Variants in BRINP3 observed in about 807,000 individuals in gnomAD.
BRINP3 encodes the protein BMP/retinoic acid inducible neural specific 3, also known as BMP/retinoic acid-inducible neural-specific protein 3.
BRINP3 carries 19 observed loss-of-function variants against 71.0 expected under a neutral mutation model. The ratio of observed to expected loss-of-function variants is 0.27; its 90% CI spans 0.19 to 0.39. BRINP3 has a LOEUF of 0.39. BRINP3 is among the 10% of genes least tolerant of loss of function. The pLI is 1.00. For synonymous variants in BRINP3, 380 were observed against 337.7 expected (o/e 1.13, Z -1.37); for missense variants, 959 against 940.8 (o/e 1.02, Z -0.25).
chr1:190,342,786 A>G (rs1346904118), intron 2 of BRINP3: 1 of 151,834 alleles, frequency 6.6e-6, no homozygotes, highest in African/African-American at 2.4e-5. Flanking sequence ...TCTCAGTTAT[A>G]TAAACTACAT....
At chr1:190,458,519 C>G (rs1676161685) in intron 1 of BRINP3, among the ~76,000 whole-genome samples, 1 of 151,992 alleles carries the variant, frequency 6.6e-6, no homozygotes, top group African/African-American at 2.4e-5. Context: ...AAAAGTAGAT[C>G]ATTGTACATT....
At chr1:190,245,845 A>G (rs1659550829) in intron 4 of BRINP3, among the ~76,000 whole-genome samples, 1 of 147,640 alleles carries the variant, frequency 6.8e-6, no homozygotes, top group Non-Finnish European at 1.5e-5. Context: ...GAGTGAGAAC[A>G]TGCGGTGTTT....
intron 7 of BRINP3, among the ~76,000 whole-genome samples, chr1:190,128,910 A>T (rs892998837): frequency 1.3e-5 from 2 of 151,788 alleles, no homozygotes; most frequent in African/African-American, 4.8e-5. Context: ...AAAGATCTTT[A>T]TACCAATACC....
intron 1 of BRINP3, among the ~76,000 whole-genome samples, chr1:190,467,333 A>G (rs1390892716): frequency 6.6e-6 from 1 of 151,634 alleles, no homozygotes; most frequent in East Asian, 1.9e-4. Flanking sequence ...ACCAGTGCAC[A>G]TAATTCATCA....
intron 2 of BRINP3, among the ~76,000 whole-genome samples, chr1:190,285,558 C>G (rs1663357460): frequency 6.6e-6 from 1 of 151,840 alleles, no homozygotes; most frequent in African/African-American, 2.4e-5. Context: ...GAGATCATGC[C>G]ACTGCCCTCC....
At chr1:190,396,791 T>C (rs1362735593) in intron 2 of BRINP3, among the ~76,000 whole-genome samples, 3 of 147,906 alleles carry the variant, frequency 2.0e-5, no homozygotes, top group Non-Finnish European at 4.5e-5. Flanking sequence ...TTCTTAAATC[T>C]TCCCATCTGC....
chr1:190,098,451 T>C lies in BRINP3; in HGVS notation c.1868A>G (p.Glu623Gly). Reference protein sequence around the residue: ...TLGNKWKTFFETVHIYLRSRI... With the variant: ...TLGNKWKTFFGTVHIYLRSRI... ...ACTTCTCAGGTAGATGTGTACTGTC[T>C]CAAAAAATGTCTTCCATTTGTTCCC... The change falls in exon 8 of 8, where the codon GAG becomes GGG. Residue 623 changes from glutamate to glycine, a missense_variant. Coordinates refer to ENST00000367462, the MANE Select transcript of BRINP3 (RefSeq NM_199051.3). 6 of 1,614,128 alleles carry C rather than the reference T, an allele frequency of 3.7e-6. No homozygotes were observed. Among genetic ancestry groups the C allele is most frequent in the Non-Finnish European group, 5.1e-6 (6 of 1,180,022 alleles).
chr1:190,263,587 CTT>C (rs34792964), intron 4 of BRINP3, among the ~76,000 whole-genome samples: 79 of 129,434 alleles, frequency 6.1e-4, no homozygotes, highest in South Asian at 1.0e-3. Flanking sequence ...GAAGTAGTAA[CTT>C]TTTTTTTTTT....
At position 190,238,676 on chromosome 1, in the gene BRINP3, G is replaced by T. The variant is rs114912564; in HGVS notation, c.619-4199C>A. ...AGTGGAGAAACTGGAATTCTCATAT[G>T]CTGCTGCTGGGAGTTTAACTCGTAC... On this transcript the variant is annotated intron_variant, in intron 4 of 7. Transcript: ENST00000367462. Among the ~76,000 whole-genome samples, 748 of 135,640 alleles carry T rather than the reference G, an allele frequency of 5.5e-3. 6 individuals are homozygous for T. Among genetic ancestry groups the T allele is most frequent in the African/African-American group, 0.018 (702 of 39,166 alleles). The allele number at this position is 135,640 out of a possible 152,430, so 89.0% of individuals were successfully genotyped here. A position where few individuals can be genotyped will look rare whatever the true frequency, so the allele number is the denominator to read the frequency against.
chr1:190,268,826 T>G (rs1316035152), intron 3 of BRINP3, among the ~76,000 whole-genome samples: 1 of 152,122 alleles, frequency 6.6e-6, no homozygotes, highest in Admixed American at 6.6e-5. Context: ...ATGTGAAACA[T>G]ACATGAAAAG....
chr1:190,447,609 T>G (rs1675314708), intron 2 of BRINP3, among the ~76,000 whole-genome samples: 1 of 139,508 alleles, frequency 7.2e-6, no homozygotes, highest in Admixed American at 7.2e-5. Flanking sequence ...TATAGCTCTC[T>G]CTCTCTCTCT....
intron 7 of BRINP3, among the ~76,000 whole-genome samples, chr1:190,140,278 T>A (rs1467626227): frequency 6.6e-6 from 1 of 152,186 alleles, no homozygotes; most frequent in Non-Finnish European, 1.5e-5. Flanking sequence ...TTCAAAACCA[T>A]CTTGGTTATC....
At chr1:190,415,074 A>T (rs1237665019) in intron 2 of BRINP3, among the ~76,000 whole-genome samples, 2 of 152,216 alleles carry the variant, frequency 1.3e-5, no homozygotes, top group East Asian at 3.8e-4. Context: ...TTGGACCTAC[A>T]TGTAAAACTT....
At chr1:190,168,381 C>T (rs1055742785) in intron 6 of BRINP3, among the ~76,000 whole-genome samples, 1 of 152,030 alleles carries the variant, frequency 6.6e-6, no homozygotes, top group African/African-American at 2.4e-5. Context: ...AAATATTCAA[C>T]TCGAATGGTG....
At chr1:190,358,064 A>G (rs551315991) in intron 2 of BRINP3, among the ~76,000 whole-genome samples, 8 of 152,324 alleles carry the variant, frequency 5.3e-5, no homozygotes, top group African/African-American at 1.7e-4. Context: ...ACCCTAGAAG[A>G]AAACTTAGGC....
intron 2 of BRINP3, among the ~76,000 whole-genome samples, chr1:190,290,208 G>C (rs1357595018): frequency 2.0e-5 from 3 of 151,968 alleles, no homozygotes; most frequent in Non-Finnish European, 2.9e-5. Context: ...TCTAAACTGA[G>C]AAACACTAAC....
At chr1:190,171,447 T>C (rs1046831468) in intron 6 of BRINP3, among the ~76,000 whole-genome samples, 5 of 152,150 alleles carry the variant, frequency 3.3e-5, no homozygotes, top group Non-Finnish European at 7.3e-5. Flanking sequence ...CAATTGTTAA[T>C]TTTTGCATTA....
chr1:190,344,265 T>C (rs901205526), intron 2 of BRINP3, among the ~76,000 whole-genome samples: 2 of 151,820 alleles, frequency 1.3e-5, no homozygotes, highest in Non-Finnish European at 3.0e-5. Flanking sequence ...TTCATTCCCC[T>C]TTGAGTCTGT....
chr1:190,103,903 A>G, intron 7 of BRINP3, among the ~76,000 whole-genome samples: 1 of 150,824 alleles, frequency 6.6e-6, no homozygotes, highest in East Asian at 1.9e-4. Context: ...TTCTGGGGCC[A>G]GTCACTTTTT....
Sources: allele counts gnomAD v4.1 joint callset (sites outside exome capture counted in the v4.1 genomes callset), GRCh38; gene constraint gnomAD v4.1.1; transcripts MANE v1.5; gene names NCBI Gene and HGNC (gene_info 2026-07-23, HGNC 2026-07-21).